CSMD3: variants seen among roughly 807,000 people sequenced by gnomAD.
CSMD3 encodes the protein CUB and Sushi multiple domains 3.
CSMD3 carries 177 observed loss-of-function variants against 435.2 expected under a neutral mutation model. The observed-to-expected ratio is 0.41, with a 90% confidence interval of 0.36 to 0.46. The LOEUF (loss-of-function observed/expected upper bound fraction) is 0.46. Among genes scored for constraint, CSMD3 ranks in the 20% least tolerant of loss-of-function variants. The pLI is 0.34. For missense variants in CSMD3, 4,265 were observed against 4,504.6 expected, an observed-to-expected ratio of 0.95 and a Z score of 1.52; for synonymous variants, 1,656 against 1,520.5, an observed-to-expected ratio of 1.09 and a Z score of -2.07.
intron 12 of CSMD3, among the ~76,000 whole-genome samples, chr8:112,812,494 C>G (rs963787038): frequency 1.2e-4 from 18 of 152,238 alleles, no homozygotes; most frequent in African/African-American, 4.3e-4. Context: ...TTTCAAGTAG[C>G]CTGCTTGGCC....
At chr8:113,379,106 G>C (rs2094403485) in intron 1 of CSMD3, among the ~76,000 whole-genome samples, 1 of 151,946 alleles carries the variant, frequency 6.6e-6, no homozygotes, top group Non-Finnish European at 1.5e-5. Context: ...GGAAATAGTG[G>C]GTTAATGAAA....
intron 7 of CSMD3, among the ~76,000 whole-genome samples, chr8:112,956,065 A>T (rs987258427): frequency 3.3e-5 from 5 of 152,032 alleles, no homozygotes; most frequent in East Asian, 1.9e-4. Context: ...CATATATTTT[A>T]AAAAAAGAGG....
At chr8:112,719,092 G>T (rs1373839844) in intron 13 of CSMD3, among the ~76,000 whole-genome samples, 1 of 152,054 alleles carries the variant, frequency 6.6e-6, no homozygotes, top group South Asian at 2.1e-4. Flanking sequence ...CAAACTTCAT[G>T]TAAAAAAATT....
At chr8:112,565,188 A>G (rs1828964670) in intron 24 of CSMD3, among the ~76,000 whole-genome samples, 1 of 152,084 alleles carries the variant, frequency 6.6e-6, no homozygotes, top group South Asian at 2.1e-4. Context: ...CTTATCACCC[A>G]GTTTATTTTG....
intron 35 of CSMD3, among the ~76,000 whole-genome samples, chr8:112,398,903 C>T (rs1351817455): frequency 6.6e-6 from 1 of 151,796 alleles, no homozygotes; most frequent in Non-Finnish European, 1.5e-5. Context: ...TCTTATCAAA[C>T]GTTACTTGAT....
intron 3 of CSMD3, among the ~76,000 whole-genome samples, chr8:113,238,744 G>A (rs554522264): frequency 6.6e-6 from 1 of 152,212 alleles, no homozygotes; most frequent in East Asian, 1.9e-4. Flanking sequence ...GATTTGTGGG[G>A]CCCAAGAGGT....
At chr8:113,252,458 AT>A (rs201837322) in intron 3 of CSMD3, among the ~76,000 whole-genome samples, 23 of 151,086 alleles carry the variant, frequency 1.5e-4, no homozygotes, top group South Asian at 4.2e-4. Context: ...AATTTTATGT[AT>A]TTTTTTTTAC....
chr8:112,626,713 C>T (rs567453157), intron 22 of CSMD3, among the ~76,000 whole-genome samples: 2 of 152,022 alleles, frequency 1.3e-5, no homozygotes, highest in African/African-American at 2.4e-5. Flanking sequence ...TTATAAGCAG[C>T]GTTATCATTT....
chr8:113,417,312 A>T (rs2094586304), intron 1 of CSMD3, among the ~76,000 whole-genome samples: 2 of 152,160 alleles, frequency 1.3e-5, no homozygotes, highest in South Asian at 4.1e-4. Context: ...GATGTAGAAA[A>T]GCTAGTTCCC....
rs755143240 is a variant in CSMD3 at position 112,650,265 on chromosome 8, G to C, written c.3089C>G (p.Ser1030Cys). ...RRYGHDFSIG[S>C]TVSFSCDSGY... The stretch of plus-strand genomic sequence containing the variant: ...TGAATCACAACTAAATGAAACAGTA[G>C]AGCCAATGGAGAAATCATGACCATA... The change falls in exon 19 of 71, where the codon TCT (serine) becomes TGT (cysteine). Residue 1030 changes from serine to cysteine, a missense_variant. Around this residue, in one of 3 missense-constraint regions of CSMD3, gnomAD observed 3,255 missense variants for 3,380.2 expected, o/e 0.96. Transcript: ENST00000297405. 6.2e-7 allele frequency: 1 copy of C among 1,613,766 alleles called. No individual in the cohort carries two copies. The highest frequency in any genetic ancestry group is 8.5e-7 in the Non-Finnish European group (1 of 1,179,756).
chr8:113,044,293 T>A (rs535662166), intron 5 of CSMD3, among the ~76,000 whole-genome samples: 2 of 127,326 alleles, frequency 1.6e-5, no homozygotes, highest in African/African-American at 2.5e-5. Flanking sequence ...TTTCCTTCAC[T>A]TTTTCAATTT....
chr8:112,551,132 A>G (rs1203327120), intron 26 of CSMD3, among the ~76,000 whole-genome samples: 2 of 152,102 alleles, frequency 1.3e-5, no homozygotes, highest in African/African-American at 4.8e-5. Context: ...TCCCGTGTTC[A>G]TGGATTTAAC....
rs115291409 is a variant in CSMD3 at position 112,540,134 on chromosome 8, G to A, written c.4564+10537C>T. Among the ~76,000 whole-genome samples, 1,250 of 151,876 alleles carry A rather than the reference G, an allele frequency of 8.2e-3. 19 individuals carry two copies. Among genetic ancestry groups the A allele is most frequent in the African/African-American group, 0.029 (1,194 of 41,456 alleles). ...AATAATGAGCAAATGCTTTGAATAGGCATTTTTCAAAATAAGACATACAAA... is the reference window on the plus strand; with the variant it reads ...AATAATGAGCAAATGCTTTGAATAGACATTTTTCAAAATAAGACATACAAA... On this transcript the variant is annotated intron_variant, in intron 27 of 70. Coordinates refer to ENST00000297405, the MANE Select transcript of CSMD3 (RefSeq NM_198123.2).
At chr8:112,930,509 C>T (rs1380134) in intron 9 of CSMD3, among the ~76,000 whole-genome samples, 127,817 of 152,016 alleles carry the variant, frequency 0.84, 53,901 homozygotes, top group East Asian at 0.93. Context: ...TAGGGAAACA[C>T]TATAGAGGCA....
chr8:113,268,479 A>C lies in CSMD3; in HGVS notation c.514+10113T>G, dbSNP rs181573071. ...AATTCAAGTGTATGGCAGACATAAT[A>C]AGGAAAACTAGAGATATATGCAACT... On this transcript the variant is annotated intron_variant, in intron 3 of 70. Transcript: ENST00000297405. Among the ~76,000 whole-genome samples, 53 of 152,044 alleles carry C rather than the reference A, an allele frequency of 3.5e-4. No homozygotes were observed. In the East Asian group the frequency reaches 9.6e-3, roughly 28 times the overall value.
At chr8:112,243,558 T>G (rs1814384533) in intron 65 of CSMD3, among the ~76,000 whole-genome samples, 2 of 152,020 alleles carry the variant, frequency 1.3e-5, no homozygotes. Context: ...AGTAATGGAT[T>G]TGGAGATGGG....
At chr8:112,836,201 T>A (rs2080018811) in intron 11 of CSMD3, among the ~76,000 whole-genome samples, 1 of 151,860 alleles carries the variant, frequency 6.6e-6, no homozygotes, top group African/African-American at 2.4e-5. Flanking sequence ...ATAGAAAGTA[T>A]GTTTTACATA....
At chr8:113,218,103 C>CTT (rs1554578577) in intron 3 of CSMD3, among the ~76,000 whole-genome samples, 23 of 146,840 alleles carry the variant, frequency 1.6e-4, no homozygotes, top group Non-Finnish European at 2.7e-4. Flanking sequence ...ATATGCTATT[C>CTT]ATATATATAT....
At position 113,390,182 on chromosome 8, in the gene CSMD3, AC is replaced by A. The variant is rs1312436441; in HGVS notation, c.178+46494del. Among the ~76,000 whole-genome samples, 3 of 151,860 alleles carry A rather than the reference AC, an allele frequency of 2.0e-5. No individual in the cohort carries two copies. The East Asian group carries it at 5.8e-4, about 29-fold the overall frequency. ...TTATAGTGAACTTTTTTGAGACAATACATGAGGTGGACACAGGGCAAGTTCC... is the reference window on the plus strand; with the variant it reads ...TTATAGTGAACTTTTTTGAGACAATAATGAGGTGGACACAGGGCAAGTTCC... On this transcript the variant is annotated intron_variant, in intron 1 of 70. Transcript: ENST00000297405.
Sources: gnomAD v4.1 joint callset for allele counts (sites outside exome capture counted in the v4.1 genomes callset) on GRCh38, gnomAD v4.1.1 for gene constraint, gnomAD v4.1.1 regional missense constraint, MANE v1.5 for transcripts, NCBI Gene and HGNC (gene_info 2026-07-23, HGNC 2026-07-21) for gene names.